FBLN7: variants seen among roughly 807,000 people sequenced by gnomAD.
FBLN7 encodes the protein fibulin-7.
A neutral mutation model predicts 44.0 loss-of-function variants in FBLN7; 31 were observed. The observed-to-expected ratio is 0.70, with a 90% confidence interval of 0.53 to 0.95. The LOEUF is 0.95. Ranked by LOEUF, FBLN7 falls within the 40% of genes least tolerant of loss-of-function variation. The probability of loss-of-function intolerance (pLI) is 0.00; values close to 1 mark genes in which losing one functional copy is unlikely to be tolerated. For missense variants in FBLN7, 573 were observed against 618.5 expected (o/e 0.93, Z 0.78); for synonymous variants, 262 against 253.4 (o/e 1.03, Z -0.32).
chr2:112,204,283 AAAAG>A, the FBLN7 span, among the ~76,000 whole-genome samples: 1 of 151,898 alleles, frequency 6.6e-6, no homozygotes, highest in African/African-American at 2.4e-5. Context: ...CAAAAAAAAA[AAAAG>A]AAAAACTATC....
the FBLN7 span, among the ~76,000 whole-genome samples, chr2:112,211,335 T>C: frequency 6.6e-6 from 1 of 152,162 alleles, no homozygotes; most frequent in Admixed American, 6.5e-5. Context: ...ATCCATGATA[T>C]TCATAATAAT....
chr2:112,241,748 G>A, the FBLN7 span, among the ~76,000 whole-genome samples: 1 of 152,104 alleles, frequency 6.6e-6, no homozygotes, highest in Admixed American at 6.5e-5. Flanking sequence ...TGCAAAATTA[G>A]AATCAGACTA....
At position 112,187,513 on chromosome 2, in the gene FBLN7, A is replaced by G. The variant is rs772253978; in HGVS notation, c.*7A>G. The G allele has an allele frequency of 6.2e-7, 1 of 1,613,372 alleles. No homozygotes were observed. The highest frequency in any genetic ancestry group is 8.5e-7 in the Non-Finnish European group (1 of 1,179,608). Reference sequence around the variant, plus strand: ...ATCCCCCTATGACTTCTGAGGGTACACAGGGGCACTGGGGTGTGGAGAGCT... The same window carrying G: ...ATCCCCCTATGACTTCTGAGGGTACGCAGGGGCACTGGGGTGTGGAGAGCT... On this transcript the variant is annotated 3_prime_UTR_variant, in exon 8 of 8. Transcript: ENST00000331203. This position sits in a 1 kb window ranked among gnomAD's most constrained non-coding sequence, Gnocchi z 5.1.
At position 112,145,447 on chromosome 2, in the gene FBLN7, C is replaced by T. The variant is rs116843972; in HGVS notation, c.75+6717C>T. ...CTGATTGTTTTTAATAAATTTTGAGCGCTCTTTATATATTCTAAATACAAA... is the reference window on the plus strand; with the variant it reads ...CTGATTGTTTTTAATAAATTTTGAGTGCTCTTTATATATTCTAAATACAAA... On this transcript the variant is annotated intron_variant, in intron 1 of 7. Coordinates refer to ENST00000331203, the MANE Select transcript of FBLN7 (RefSeq NM_153214.3). Among the ~76,000 whole-genome samples, 688 of 151,998 alleles carry T rather than the reference C, an allele frequency of 4.5e-3. 10 individuals are homozygous for T. The highest frequency in any genetic ancestry group is 0.032 in the Admixed American group (492 of 15,264).
At chr2:112,200,775 C>T in the FBLN7 span, among the ~76,000 whole-genome samples, 4 of 152,128 alleles carry the variant, frequency 2.6e-5, no homozygotes, top group Admixed American at 2.6e-4. Context: ...AGGTGATCCA[C>T]CTGCTTCAGC....
At chr2:112,139,805 T>C (rs377644398) in intron 1 of FBLN7, among the ~76,000 whole-genome samples, 9 of 43,330 alleles carry the variant, frequency 2.1e-4, no homozygotes, top group Admixed American at 2.1e-4. Context: ...TCCAGGCCAG[T>C]GTCCCTCCCG....
In FBLN7 at chr2:112,187,497, T is replaced by A; in HGVS notation, c.1311T>A (p.Tyr437Ter). Residue 437 changes from tyrosine to a stop codon, truncating the protein, a stop_gained, in exon 8 of 8, where the codon TAT (tyrosine) becomes TAA (stop). Coordinates refer to ENST00000331203, the MANE Select transcript of FBLN7 (RefSeq NM_153214.3). LOFTEE classifies it high-confidence loss of function. This position sits in a 1 kb window ranked among gnomAD's most constrained non-coding sequence, Gnocchi z 5.1. Reference protein sequence around the residue: ...VSKVTIFVSPYDF With the variant: ...VSKVTIFVSP ...AGGTCACCATCTTTGTATCCCCCTA[T>A]GACTTCTGAGGGTACACAGGGGCAC... is the stretch of plus-strand genomic sequence containing the variant. The A allele has an allele frequency of 1.2e-6, 2 of 1,614,034 alleles. No individual in the cohort carries two copies. Among genetic ancestry groups the A allele is most frequent in the Non-Finnish European group, 1.7e-6 (2 of 1,179,990 alleles).
the FBLN7 span, among the ~76,000 whole-genome samples, chr2:112,207,202 C>T: frequency 6.6e-6 from 1 of 152,182 alleles, no homozygotes; most frequent in African/African-American, 2.4e-5. Context: ...CAAGGTGGCT[C>T]ATGCCTGTAA....
At position 112,140,746 on chromosome 2, in the gene FBLN7, G is replaced by A. The variant is rs138810496; in HGVS notation, c.75+2016G>A. On this transcript the variant is annotated intron_variant, in intron 1 of 7. Transcript: ENST00000331203. ...CCAACCGAAGTATCAGAACACTCAC[G>A]GGACTTTCTCAGCAGTTTGTGGCAT... 1.2e-4 allele frequency among the ~76,000 whole-genome samples: 18 copies of A among 152,266 alleles called. No homozygotes were observed. The East Asian group carries it at 2.5e-3, about 21-fold the overall frequency.
intron 2 of FBLN7, among the ~76,000 whole-genome samples, chr2:112,163,399 T>C (rs1681979511): frequency 6.6e-6 from 1 of 152,262 alleles, no homozygotes; most frequent in African/African-American, 2.4e-5. Flanking sequence ...AATATGAACA[T>C]GGCAAATGAC....
the FBLN7 span, chr2:112,238,461 ACAT>A: frequency 2.5e-6 from 4 of 1,613,326 alleles, no homozygotes; most frequent in Non-Finnish European, 3.4e-6. Context: ...ATCACTATAT[ACAT>A]CATAGTCCTT....
At chr2:112,207,287 C>G in the FBLN7 span, among the ~76,000 whole-genome samples, 1 of 151,772 alleles carries the variant, frequency 6.6e-6, no homozygotes, top group African/African-American at 2.4e-5. Flanking sequence ...GCCAACATGG[C>G]AAAACCCTGT....
At chr2:112,174,725 T>C (rs1250415017) in intron 3 of FBLN7, among the ~76,000 whole-genome samples, 2 of 152,158 alleles carry the variant, frequency 1.3e-5, no homozygotes, top group Non-Finnish European at 2.9e-5. Context: ...GTTTTTTGTT[T>C]TTGAGACGGA....
the FBLN7 span, among the ~76,000 whole-genome samples, chr2:112,227,935 A>G: frequency 3.9e-5 from 6 of 152,228 alleles, no homozygotes; most frequent in African/African-American, 1.4e-4. Flanking sequence ...AGAATGTACA[A>G]GCTGATCTTA....
At chr2:112,176,856 C>T (rs6735657) in intron 4 of FBLN7, 3 of 151,782 alleles carry the variant, frequency 2.0e-5, no homozygotes, top group Non-Finnish European at 4.4e-5. Flanking sequence ...GAAATGGGTT[C>T]CCTTCTGCCC....
intron 2 of FBLN7, among the ~76,000 whole-genome samples, chr2:112,162,687 G>A (rs2104570688): frequency 6.6e-6 from 1 of 152,310 alleles, no homozygotes; most frequent in Admixed American, 6.5e-5. Flanking sequence ...TTTGGGATGT[G>A]ACTACAAATT....
chr2:112,168,637 A>G (rs577378926), intron 3 of FBLN7, among the ~76,000 whole-genome samples: 4 of 152,318 alleles, frequency 2.6e-5, no homozygotes, highest in Middle Eastern at 6.8e-3. Flanking sequence ...TTGATGACCA[A>G]TTGTGACAGT....
chr2:112,149,641 G>C (rs2104544737), intron 1 of FBLN7, among the ~76,000 whole-genome samples: 1 of 152,268 alleles, frequency 6.6e-6, no homozygotes, highest in Middle Eastern at 3.4e-3. Context: ...AGACTCCCAG[G>C]GTGGGTTGAA....
chr2:112,141,786 G>C (rs534247020), intron 1 of FBLN7, among the ~76,000 whole-genome samples: 1 of 152,156 alleles, frequency 6.6e-6, no homozygotes, highest in Non-Finnish European at 1.5e-5. Flanking sequence ...TTTGCTGCTC[G>C]GGGAATGAGG....
Sources: allele counts gnomAD v4.1 joint callset (sites outside exome capture counted in the v4.1 genomes callset), GRCh38; gene constraint gnomAD v4.1.1; non-coding constraint Gnocchi (gnomAD v3.1); transcripts MANE v1.5; gene names NCBI Gene and HGNC (gene_info 2026-07-23, HGNC 2026-07-21).